Variants in MADD observed in about 807,000 individuals in gnomAD.
MADD encodes the protein MAP kinase-activating death domain protein.
MADD carries 109 observed loss-of-function variants against 176.7 expected under a neutral mutation model. The observed-to-expected ratio is 0.62, with a 90% CI of 0.53 to 0.72. MADD has a LOEUF of 0.72. MADD is among the 30% of genes least tolerant of loss of function. The pLI is 0.00. For missense variants in MADD, 1,914 were observed against 2,045.5 expected, an observed-to-expected ratio of 0.94 and a Z score of 1.24; for synonymous variants, 771 against 771.3, an observed-to-expected ratio of 1.00 and a Z score of 0.01.
intron 22 of MADD, among the ~76,000 whole-genome samples, chr11:47,301,488 G>C (rs1055177504): frequency 6.6e-6 from 1 of 152,120 alleles, no homozygotes. Flanking sequence ...GGTTTGGTTT[G>C]TTCTTGCTTT....
exon 33 of MADD, chr11:47,329,447 G>GT: frequency 2.5e-6 from 1 of 395,178 alleles, no homozygotes; most frequent in South Asian, 3.2e-5. Flanking sequence ...AGACATTTGT[G>GT]TTGTGGTTCC....
chr11:47,286,533 A>G, exon 15 of MADD: 2 of 1,610,482 alleles, frequency 1.2e-6, no homozygotes, highest in Non-Finnish European at 1.7e-6. Flanking sequence ...CCAGTCTGAA[A>G]GGTAACTACA....
intron 15 of MADD, among the ~76,000 whole-genome samples, chr11:47,287,183 C>G (rs1372563509): frequency 6.6e-6 from 1 of 152,132 alleles, no homozygotes; most frequent in Admixed American, 6.5e-5. Context: ...AGTTAGCCAT[C>G]TGGTGTCACG....
chr11:47,277,869 T>G (rs563116954), intron 5 of MADD, among the ~76,000 whole-genome samples: 2 of 152,194 alleles, frequency 1.3e-5, no homozygotes, highest in African/African-American at 4.8e-5. Context: ...AGTTTAAAAT[T>G]TATGAATTGT....
rs201320304 is a variant in MADD, at chr11:47,274,630, A to G, written c.130A>G (p.Thr44Ala). Reference sequence around the variant, plus strand: ...ACGGCGATACCCCTTGGAGGATCACACTGAGTTTCCCCTGCCCCCAGATGT... The same window carrying G: ...ACGGCGATACCCCTTGGAGGATCACGCTGAGTTTCCCCTGCCCCCAGATGT... Residue 44 changes from threonine (T) to alanine (A), a missense_variant, in exon 3 of 33, where the codon ACT becomes GCT. By Grantham distance (58) the Thr-to-Ala change is moderately conservative. Coordinates refer to ENST00000402192, the Ensembl canonical transcript of MADD. 5 of 1,614,154 alleles carry G rather than the reference A, an allele frequency of 3.1e-6. No homozygotes were observed. In the East Asian group the frequency reaches 6.7e-5, roughly 22 times the overall value.
At position 47,325,872 on chromosome 11, in the gene MADD, A is replaced by G. The variant is rs1473979989; in HGVS notation, c.4543-866A>G. 6.6e-6 allele frequency among the ~76,000 whole-genome samples: 1 copy of G among 152,184 alleles called. No homozygotes were observed. Among genetic ancestry groups the G allele is most frequent in the Non-Finnish European group, 1.5e-5 (1 of 68,040 alleles). On this transcript the variant is annotated intron_variant, in intron 30 of 32. Transcript: ENST00000402192. This position sits in a 1 kb window ranked among gnomAD's most constrained non-coding sequence, Gnocchi z 4.5. ...CTGTGGTTGAAGGCTTGGCCCCTAG[A>G]AGATAGACTGCAGAGAAGGGGAGGA...
intron 22 of MADD, among the ~76,000 whole-genome samples, chr11:47,301,506 C>G (rs2077761238): frequency 6.6e-6 from 1 of 152,118 alleles, no homozygotes; most frequent in Admixed American, 6.6e-5. Context: ...TTTCACAATT[C>G]TTTGAGCTGC....
intron 22 of MADD, 24 bp downstream of exon 24, chr11:47,296,079 G>T: frequency 9.3e-7 from 1 of 1,069,934 alleles, no homozygotes; most frequent in Non-Finnish European, 1.2e-6. Context: ...ATTAACAAAA[G>T]AAAACCATTT....
intron 22 of MADD, among the ~76,000 whole-genome samples, chr11:47,298,465 G>A (rs2074945412): frequency 1.3e-5 from 2 of 152,152 alleles, no homozygotes; most frequent in Non-Finnish European, 2.9e-5. Context: ...ACACCTGTTA[G>A]CCATTTGTAT....
chr11:47,311,651 C>A, intron 25 of MADD, 81 bp from the exon 29 acceptor site: 1 of 851,800 alleles, frequency 1.2e-6, no homozygotes, highest in Non-Finnish European at 2.0e-6. Flanking sequence ...TGGTGGGAAG[C>A]CCACTTGTAC....
At position 47,325,125 on chromosome 11, in the gene MADD, T is replaced by G; in HGVS notation, c.4542+548T>G. ...CCTGTTCTTTTCCTTCCTCTGAGTG[T>G]TCCCACTCTGTCCCCTGCTCCACAG... On this transcript the variant is annotated intron_variant, in intron 30 of 32. Coordinates refer to ENST00000402192, the Ensembl canonical transcript of MADD. This position sits in a 1 kb window ranked among gnomAD's most constrained non-coding sequence, Gnocchi z 4.5. 1 of 235,092 alleles carries G rather than the reference T, an allele frequency of 4.3e-6. No homozygotes were observed. The highest frequency in any genetic ancestry group is 8.4e-6 in the Non-Finnish European group (1 of 118,672). 14.6% of individuals were successfully genotyped at this position (235,092 alleles called of 1,614,324 possible).
chr11:47,291,811 G>A (rs577816118), intron 19 of MADD, among the ~76,000 whole-genome samples: 2 of 152,166 alleles, frequency 1.3e-5, no homozygotes, highest in South Asian at 4.1e-4. Flanking sequence ...TGGGAAATGA[G>A]GAAATCATAC....
chr11:47,289,403 C>T (rs1287527277), exon 16 of MADD: 3 of 1,613,826 alleles, frequency 1.9e-6, no homozygotes, highest in Non-Finnish European at 2.5e-6. Context: ...AACAGGAGGG[C>T]GTTAGTGGAT....
At chr11:47,280,493 T>A (rs2055419153) in intron 7 of MADD, among the ~76,000 whole-genome samples, 1 of 129,778 alleles carries the variant, frequency 7.7e-6, no homozygotes, top group African/African-American at 2.6e-5. Context: ...TCAGTCTTGA[T>A]GATTGCTTTA....
chr11:47,281,579 T>C (rs1325920944), exon 8 of MADD: 6 of 1,605,604 alleles, frequency 3.7e-6, no homozygotes, highest in Non-Finnish European at 5.1e-6. Flanking sequence ...CCACAGGCCT[T>C]GGCCAGCATG....
chr11:47,271,019 C>G (rs1962309688), intron 1 of MADD: 2 of 152,224 alleles, frequency 1.3e-5, no homozygotes, highest in South Asian at 4.1e-4. Context: ...GGTTGGTTAG[C>G]ATGGCTATTT....
At chr11:47,284,979 A>G (rs758290485) in exon 13 of MADD, 13 of 1,613,886 alleles carry the variant, frequency 8.1e-6, no homozygotes, top group African/African-American at 2.7e-5. Flanking sequence ...ATAAGGCAGC[A>G]GTAGGCGTCT....
chr11:47,313,371 A>G (rs2091050714), intron 26 of MADD, among the ~76,000 whole-genome samples: 1 of 150,912 alleles, frequency 6.6e-6, no homozygotes, highest in Admixed American at 6.6e-5. Context: ...CAGTGGCAGG[A>G]TGCTGGCTCA....
chr11:47,327,044 G>A, intron 31 of MADD: 1 of 1,284,082 alleles, frequency 7.8e-7, no homozygotes, highest in Non-Finnish European at 9.9e-7. Flanking sequence ...CGAGTTTAGA[G>A]GTGGTCCTGA....
Sources: allele counts gnomAD v4.1 joint callset (sites outside exome capture counted in the v4.1 genomes callset), GRCh38; gene constraint gnomAD v4.1.1; non-coding constraint Gnocchi (gnomAD v3.1); transcripts MANE v1.5; gene names NCBI Gene and HGNC (gene_info 2026-07-23, HGNC 2026-07-21).